The following ATG4C variants were observed in gnomAD, a reference collection of about 807,000 sequenced individuals.
ATG4C encodes cysteine protease ATG4C.
Under a neutral mutation model 57.6 loss-of-function variants are expected in ATG4C, and 56 were observed. The ratio of observed to expected loss-of-function variants is 0.97; its 90% CI spans 0.78 to 1.21. The LOEUF is 1.21. ATG4C is among the 50% of genes most tolerant of loss of function. The pLI, the probability that ATG4C is intolerant of heterozygous loss-of-function variation, is 0.00. For synonymous variants in ATG4C, 157 were observed against 174.1 expected, an observed-to-expected ratio of 0.90 and a Z score of 0.78; for missense variants, 595 against 529.8, an observed-to-expected ratio of 1.12 and a Z score of -1.21.
At chr1:62,838,504 A>G (rs191236508) in intron 9 of ATG4C, among the ~76,000 whole-genome samples, 35 of 152,324 alleles carry the variant, frequency 2.3e-4, no homozygotes, top group African/African-American at 8.4e-4. Context: ...ATGGCCAGGC[A>G]TGATGGCTCC....
At chr1:62,856,328 C>A (rs1395810974) in intron 10 of ATG4C, among the ~76,000 whole-genome samples, 2 of 152,206 alleles carry the variant, frequency 1.3e-5, no homozygotes, top group Admixed American at 1.3e-4. Flanking sequence ...AAATCTTCAG[C>A]AGCTTATAGT....
intron 1 of ATG4C, among the ~76,000 whole-genome samples, chr1:62,802,352 G>A (rs1664707067): frequency 6.6e-6 from 1 of 151,800 alleles, no homozygotes; most frequent in Non-Finnish European, 1.5e-5. Context: ...TCCAGGATCT[G>A]TAACCTCTTG....
intron 10 of ATG4C, among the ~76,000 whole-genome samples, chr1:62,846,035 A>G (rs1290426906): frequency 6.6e-6 from 1 of 152,168 alleles, no homozygotes; most frequent in East Asian, 1.9e-4. Context: ...AGTCTGTTTT[A>G]CATCTAGGTG....
chr1:62,831,539 G>A (rs1009429675), intron 7 of ATG4C, among the ~76,000 whole-genome samples: 9 of 151,968 alleles, frequency 5.9e-5, no homozygotes, highest in Non-Finnish European at 1.2e-4. Flanking sequence ...ACCACAGGAG[G>A]TTTATTTATG....
intron 10 of ATG4C, among the ~76,000 whole-genome samples, chr1:62,846,231 G>A (rs995186411): frequency 1.3e-5 from 2 of 152,100 alleles, no homozygotes; most frequent in Non-Finnish European, 2.9e-5. Context: ...ATTTGATGTA[G>A]GTGAACATCC....
intron 6 of ATG4C, among the ~76,000 whole-genome samples, chr1:62,827,987 T>A (rs566377166): frequency 1.3e-5 from 2 of 152,302 alleles, no homozygotes; most frequent in Admixed American, 6.5e-5. Context: ...AAAGACATGA[T>A]CTCATTCTTT....
chr1:62,788,437 ACACAC>A (rs1664158949), intron 1 of ATG4C, among the ~76,000 whole-genome samples: 2 of 104,852 alleles, frequency 1.9e-5, no homozygotes, highest in African/African-American at 7.9e-5. Context: ...AAATACACAC[ACACAC>A]ACACACACAC....
chr1:62,855,355 ATTC>A (rs1171341153), intron 10 of ATG4C, among the ~76,000 whole-genome samples: 1 of 151,996 alleles, frequency 6.6e-6, no homozygotes. Context: ...ACCCCCTTTT[ATTC>A]TTATTTTTTT....
intron 6 of ATG4C, among the ~76,000 whole-genome samples, chr1:62,824,802 G>T (rs1379397141): frequency 6.6e-6 from 1 of 151,564 alleles, no homozygotes; most frequent in African/African-American, 2.4e-5. Flanking sequence ...CAAGTAACTA[G>T]CATTAAAGGC....
chr1:62,803,569 G>T, intron 1 of ATG4C, 150 bp from the exon 2 acceptor site: 1 of 320,014 alleles, frequency 3.1e-6, no homozygotes. Context: ...TGAGAAATTG[G>T]TTTTCTGTTT....
At chr1:62,806,187 A>G (rs1264988537) in intron 3 of ATG4C, among the ~76,000 whole-genome samples, 1 of 152,224 alleles carries the variant, frequency 6.6e-6, no homozygotes, top group Non-Finnish European at 1.5e-5. Flanking sequence ...GGAATTTGAT[A>G]AAGAAGGAAT....
chr1:62,813,113 A>G (rs905554748), intron 3 of ATG4C, among the ~76,000 whole-genome samples: 6 of 152,230 alleles, frequency 3.9e-5, no homozygotes, highest in African/African-American at 1.4e-4. Flanking sequence ...CAGAATTGGA[A>G]AAAACTACCT....
intron 1 of ATG4C, among the ~76,000 whole-genome samples, chr1:62,794,909 G>A (rs746451965): frequency 4.6e-5 from 7 of 152,118 alleles, no homozygotes; most frequent in Non-Finnish European, 7.3e-5. Flanking sequence ...GATCAGATAA[G>A]GGATTGATAT....
intron 5 of ATG4C, 100 bp downstream of exon 5, chr1:62,819,435 C>G: frequency 1.1e-6 from 1 of 936,346 alleles, no homozygotes; most frequent in Non-Finnish European, 1.5e-6. Flanking sequence ...CTTTAAAAGT[C>G]TAACTGTATG....
intron 6 of ATG4C, among the ~76,000 whole-genome samples, chr1:62,821,459 T>TA (rs1384608681): frequency 1.3e-5 from 2 of 152,130 alleles, no homozygotes. Flanking sequence ...TTAAAAGTGA[T>TA]AGGCAGGAAA....
At chr1:62,815,090 A>C (rs1310944579) in intron 3 of ATG4C, among the ~76,000 whole-genome samples, 2 of 151,742 alleles carry the variant, frequency 1.3e-5, no homozygotes, top group African/African-American at 4.8e-5. Flanking sequence ...ATAAATAAAT[A>C]AATGTGTTTA....
Position 62,821,198 on chromosome 1 carries a change from A to G in ATG4C, c.785A>G (p.Gln262Arg), listed in dbSNP as rs1313143230. The part of the protein sequence containing the change: ...DLQGITIYVA[Q>R]DCTVYNSDVI... Reference sequence around the variant, plus strand: ...CAAGGAATAACTATTTATGTTGCACAAGATTGTACAGGTAAGGAATGTATA... The same window carrying G: ...CAAGGAATAACTATTTATGTTGCACGAGATTGTACAGGTAAGGAATGTATA... The change falls in exon 6 of 11, where the codon CAA (glutamine) becomes CGA (arginine). Residue 262 changes from glutamine (Q) to arginine (R), a missense_variant. Transcript: ENST00000317868. 3 of 1,594,676 alleles carry G rather than the reference A, an allele frequency of 1.9e-6. No individual in the cohort carries two copies. Among genetic ancestry groups the G allele is most frequent in the Admixed American group, 1.8e-5 (1 of 55,736 alleles).
At chr1:62,815,464 A>G (rs796429111) in intron 3 of ATG4C, among the ~76,000 whole-genome samples, 8 of 152,272 alleles carry the variant, frequency 5.3e-5, no homozygotes, top group African/African-American at 1.9e-4. Flanking sequence ...CTTACTTAAT[A>G]TGTTATCCAC....
intron 10 of ATG4C, among the ~76,000 whole-genome samples, chr1:62,863,163 A>G (rs1666905787): frequency 6.6e-6 from 1 of 152,036 alleles, no homozygotes; most frequent in Admixed American, 6.6e-5. Flanking sequence ...TTGATGGGCT[A>G]TAAAGGTTGT....
Sources: allele counts gnomAD v4.1 joint callset (sites outside exome capture counted in the v4.1 genomes callset), GRCh38; gene constraint gnomAD v4.1.1; transcripts MANE v1.5; gene names NCBI Gene and HGNC (gene_info 2026-07-23, HGNC 2026-07-21).